CCDC198: variants seen among roughly 807,000 people sequenced by gnomAD.
The protein encoded by CCDC198 is factor associated with metabolism and energy.
A neutral mutation model predicts 35.6 loss-of-function variants in CCDC198; 18 were observed. The observed-to-expected ratio is 0.51, with a 90% CI of 0.35 to 0.75. The LOEUF (loss-of-function observed/expected upper bound fraction) is 0.75, where lower values mean the gene tolerates loss of function less well. Among genes scored for constraint, CCDC198 ranks in the 30% least tolerant of loss-of-function variants. The pLI, the probability that CCDC198 is intolerant of heterozygous loss-of-function variation, is 0.01. For missense variants in CCDC198, 365 were observed against 343.7 expected, an observed-to-expected ratio of 1.06 and a Z score of -0.49; for synonymous variants, 119 against 113.4, an observed-to-expected ratio of 1.05 and a Z score of -0.31.
intron 5 of CCDC198, chr14:57,478,994 A>G (rs747361536): frequency 7.8e-7 from 1 of 1,289,342 alleles, no homozygotes; most frequent in South Asian, 1.2e-5. Flanking sequence ...GTGTGTGTGA[A>G]CAATATTGGA....
At chr14:57,473,850 A>G (rs1297595801) in intron 5 of CCDC198, among the ~76,000 whole-genome samples, 1 of 152,214 alleles carries the variant, frequency 6.6e-6, no homozygotes, top group Non-Finnish European at 1.5e-5. Flanking sequence ...CCATGTCTCC[A>G]GAACCATCTC....
intron 2 of CCDC198, among the ~76,000 whole-genome samples, chr14:57,484,435 A>G (rs2067289576): frequency 6.6e-6 from 1 of 152,148 alleles, no homozygotes; most frequent in Non-Finnish European, 1.5e-5. Flanking sequence ...CGTGGAACAG[A>G]TCTTCCTCAC....
chr14:57,489,205 G>A (rs190486776), intron 2 of CCDC198, among the ~76,000 whole-genome samples: 9 of 152,256 alleles, frequency 5.9e-5, no homozygotes, highest in Admixed American at 5.9e-4. Flanking sequence ...AAAAAGGAAC[G>A]AGATCATGTT....
chr14:57,475,785 CTTCTTTTTTTTT>C, intron 5 of CCDC198: 1 of 165,722 alleles, frequency 6.0e-6, no homozygotes, highest in South Asian at 6.4e-5. Flanking sequence ...CGGCACTTAG[CTTCTTTTTTTTT>C]TTTTTTTTTT....
intron 5 of CCDC198, among the ~76,000 whole-genome samples, chr14:57,477,493 C>A (rs1359902729): frequency 1.1e-4 from 16 of 152,228 alleles, no homozygotes; most frequent in African/African-American, 3.6e-4. Flanking sequence ...ATCTCACACA[C>A]ACACACACAC....
intron 5 of CCDC198, among the ~76,000 whole-genome samples, chr14:57,473,872 T>C (rs1169542389): frequency 1.3e-5 from 2 of 152,238 alleles, no homozygotes; most frequent in Non-Finnish European, 2.9e-5. Context: ...AGTTACTCTC[T>C]GAATCTCTCA....
At position 57,471,185 on chromosome 14, in the gene CCDC198, T is replaced by C. The variant is rs2066807876; in HGVS notation, c.*170A>G. 2 of 556,804 alleles carry C rather than the reference T, an allele frequency of 3.6e-6. No homozygotes were observed. The highest frequency in any genetic ancestry group is 6.3e-6 in the Non-Finnish European group (2 of 319,082). The allele number at this position is 556,804 out of a possible 1,614,324, so 34.5% of individuals were successfully genotyped here. On this transcript the variant is annotated 3_prime_UTR_variant, in exon 6 of 6. Coordinates refer to ENST00000216445, the MANE Select transcript of CCDC198 (RefSeq NM_018168.4). The stretch of plus-strand genomic sequence containing the variant: ...TTTGAGGCATTTAGTTATGCAGCAA[T>C]AGTTAACAGCACATGTGACGGACTT...
At chr14:57,483,358 T>G in intron 2 of CCDC198, 174 of 555,024 alleles carry the variant, frequency 3.1e-4, no homozygotes, top group Non-Finnish European at 3.9e-4. Flanking sequence ...TCTAGTGCAC[T>G]GTCGACAGTG....
intron 5 of CCDC198, among the ~76,000 whole-genome samples, chr14:57,474,922 A>ATCAC (rs2066921990): frequency 6.6e-6 from 1 of 152,214 alleles, no homozygotes; most frequent in African/African-American, 2.4e-5. Flanking sequence ...AGAAAAATGT[A>ATCAC]TCACTACTCT....
chr14:57,480,767 A>C lies in CCDC198; in HGVS notation c.496-13T>G. 6.2e-7 allele frequency: 1 copy of C among 1,613,204 alleles called. No homozygotes were observed. The highest frequency in any genetic ancestry group is 8.5e-7 in the Non-Finnish European group (1 of 1,179,628). On this transcript the variant is annotated splice_polypyrimidine_tract_variant and intron_variant, in intron 4 of 5. Coordinates refer to ENST00000216445, the MANE Select transcript of CCDC198 (RefSeq NM_018168.4). ...ACTCCATTTGGGCCTGAAAATCATC[A>C]ACTATAAATGATCAATGTTCTTCCC...
chr14:57,474,683 C>T (rs569170231), intron 5 of CCDC198, among the ~76,000 whole-genome samples: 48 of 152,260 alleles, frequency 3.2e-4, no homozygotes, highest in African/African-American at 1.1e-3. Context: ...TATAAATCCT[C>T]ATTTAATTCT....
At position 57,493,815 on chromosome 14, in the gene CCDC198, C is replaced by T. The variant is rs985405415; in HGVS notation, c.-100G>A. ...AAAGCATTTCAGAAGTTTACCCTCG[C>T]TTTACAAAGCAGTCATTTCCTTCAT... On this transcript the variant is annotated 5_prime_UTR_variant, in exon 1 of 6. Coordinates refer to ENST00000216445, the MANE Select transcript of CCDC198 (RefSeq NM_018168.4). The T allele has an allele frequency of 2.3e-6, 2 of 885,648 alleles. No individual in the cohort carries two copies. Among genetic ancestry groups the T allele is most frequent in the Non-Finnish European group, 3.4e-6 (2 of 584,518 alleles). The allele number at this position is 885,648 out of a possible 1,614,324, so 54.9% of individuals were successfully genotyped here.
intron 1 of CCDC198, among the ~76,000 whole-genome samples, chr14:57,491,562 A>G (rs1009005152): frequency 6.6e-6 from 1 of 152,128 alleles, no homozygotes; most frequent in Non-Finnish European, 1.5e-5. Context: ...TGTGAACACA[A>G]TTCAATAGCC....
In CCDC198 at chr14:57,474,933, A is replaced by G. The variant is rs1003889121; in HGVS notation, c.656-3343T>C. 7.9e-5 allele frequency among the ~76,000 whole-genome samples: 12 copies of G among 152,214 alleles called. No individual in the cohort carries two copies. The East Asian group carries it at 1.2e-3, about 15-fold the overall frequency. On this transcript the variant is annotated intron_variant, in intron 5 of 5. Transcript: ENST00000216445. ...TTTCAGAAAAATGTATCACTACTCT[A>G]TCAAACCCAGAATTTCACATACAGA...
At chr14:57,479,067 TG>T (rs2067098732) in intron 5 of CCDC198, 1 of 1,251,460 alleles carries the variant, frequency 8.0e-7, no homozygotes, top group South Asian at 1.2e-5. Context: ...GGGCTCTAAT[TG>T]GTGGGGCAAT....
At position 57,493,371 on chromosome 14, in the gene CCDC198, C is replaced by T. The variant is rs2067642170; in HGVS notation, c.223+122G>A. On this transcript the variant is annotated intron_variant, in intron 1 of 5. Transcript: ENST00000216445. The stretch of plus-strand genomic sequence containing the variant: ...AAAGATTTGAGTTTTCAAAGATAGC[C>T]TAAATTCCTTTACATTTCAGGAATT... The T allele has an allele frequency of 1.1e-5, 9 of 836,428 alleles. No homozygotes were observed. The South Asian group carries it at 1.4e-4, about 13-fold the overall frequency. The allele number at this position is 836,428 out of a possible 1,614,324, so 51.8% of individuals were successfully genotyped here. A position where few individuals can be genotyped will look rare whatever the true frequency, so the allele number is the denominator to read the frequency against.
At chr14:57,473,500 A>C (rs1221610397) in intron 5 of CCDC198, among the ~76,000 whole-genome samples, 1 of 152,108 alleles carries the variant, frequency 6.6e-6, no homozygotes, top group Non-Finnish European at 1.5e-5. Flanking sequence ...TACCCTCTCC[A>C]TGCACTCACA....
intron 1 of CCDC198, 53 bp downstream of exon 1, chr14:57,493,440 A>G: frequency 7.0e-7 from 1 of 1,432,006 alleles, no homozygotes; most frequent in Non-Finnish European, 9.8e-7. Context: ...TAAACCTATT[A>G]ATAATGCTCC....
At position 57,488,892 on chromosome 14, in the gene CCDC198, C is replaced by T. The variant is rs1009272826; in HGVS notation, c.306+2097G>A. ...AAAACAACAGATGCTGGAGAGGTTG[C>T]GGAGAAAAAGGAATGCTTTTACACT... is the stretch of plus-strand genomic sequence containing the variant. On this transcript the variant is annotated intron_variant, in intron 2 of 5. Transcript: ENST00000216445. 5.9e-5 allele frequency among the ~76,000 whole-genome samples: 9 copies of T among 152,004 alleles called. No homozygotes were observed. The East Asian group carries it at 7.8e-4, about 13-fold the overall frequency.
Sources: allele counts gnomAD v4.1 joint callset (sites outside exome capture counted in the v4.1 genomes callset), GRCh38; gene constraint gnomAD v4.1.1; transcripts MANE v1.5; gene names NCBI Gene and HGNC (gene_info 2026-07-23, HGNC 2026-07-21).